SGSM1: variants seen among roughly 807,000 people sequenced by gnomAD.
SGSM1 encodes RUN and TBC1 domain containing 2.
SGSM1 carries 73 observed loss-of-function variants against 133.8 expected under a neutral mutation model. The observed-to-expected ratio is 0.55, with a 90% CI of 0.45 to 0.66. The LOEUF (loss-of-function observed/expected upper bound fraction) is 0.66. SGSM1 is among the 30% of genes least tolerant of loss of function. SGSM1 has a pLI of 0.00. For synonymous variants in SGSM1, 563 were observed against 573.0 expected (o/e 0.98, Z 0.25); for missense variants, 1,213 against 1,448.1 (o/e 0.84, Z 2.64).
intron 3 of SGSM1, among the ~76,000 whole-genome samples, chr22:24,846,141 C>T (rs1365224587): frequency 6.6e-6 from 1 of 150,402 alleles, no homozygotes; most frequent in African/African-American, 2.5e-5. Flanking sequence ...TGGGCTCAAG[C>T]GTACCTCCCA....
intron 2 of SGSM1, among the ~76,000 whole-genome samples, chr22:24,820,831 A>G (rs1928424751): frequency 6.6e-6 from 1 of 152,234 alleles, no homozygotes; most frequent in South Asian, 2.1e-4. Context: ...CCCTGCCTTC[A>G]GCCTAGAGGG....
chr22:24,903,458 C>T (rs1933239235), intron 20 of SGSM1, among the ~76,000 whole-genome samples: 4 of 152,114 alleles, frequency 2.6e-5, no homozygotes, highest in Admixed American at 2.0e-4. Flanking sequence ...ATCCACCTGC[C>T]TTGACCTCCC....
intron 24 of SGSM1, among the ~76,000 whole-genome samples, chr22:24,920,918 G>A (rs982184297): frequency 1.4e-4 from 22 of 152,074 alleles, no homozygotes; most frequent in African/African-American, 5.1e-4. Context: ...TCATTGGCAC[G>A]TTACCATCTA....
chr22:24,851,449 GGAGAGAGAGAGAGAGAGA>G (rs56956761), intron 5 of SGSM1, among the ~76,000 whole-genome samples: 56 of 112,868 alleles, frequency 5.0e-4, no homozygotes, highest in Non-Finnish European at 7.2e-4. Flanking sequence ...GGGGGTGGGG[GGAGAGAGAGAGAGAGAGA>G]GAGAGAGAGA....
chr22:24,840,612 G>A (rs1929734133), intron 2 of SGSM1, among the ~76,000 whole-genome samples: 1 of 151,996 alleles, frequency 6.6e-6, no homozygotes, highest in African/African-American at 2.4e-5. Context: ...CAAAGTGCTG[G>A]GATTACAGGT....
Position 24,898,399 on chromosome 22 carries a change from G to A in SGSM1, c.2450G>A (p.Trp817Ter). The change falls in exon 19 of 25, where the codon TGG (tryptophan) becomes TAG (stop). Residue 817 changes from tryptophan (W) to a stop codon, truncating the protein, a stop_gained. Coordinates refer to ENST00000400358, the MANE Select transcript of SGSM1 (RefSeq NM_001098497.3). LOFTEE classifies it high-confidence loss of function. ...PEKDDVVMEG[W>*]RSSETEKHGQ... ...AAGGACGATGTTGTGATGGAGGGCT[G>A]GAGGAGCAGCGAGACAGAGAAACAT... 1 of 1,613,932 alleles carries A rather than the reference G, an allele frequency of 6.2e-7. No individual in the cohort carries two copies.
At chr22:24,881,288 C>T (rs752384692) in intron 14 of SGSM1, among the ~76,000 whole-genome samples, 8 of 145,160 alleles carry the variant, frequency 5.5e-5, no homozygotes, top group East Asian at 2.1e-4. Flanking sequence ...AACTCTGGGC[C>T]GGGCGTGGTG....
chr22:24,905,290 C>A, intron 21 of SGSM1, 103 bp downstream of exon 21: 1 of 1,167,822 alleles, frequency 8.6e-7, no homozygotes, highest in Non-Finnish European at 1.3e-6. Flanking sequence ...GTGGCTCCAG[C>A]CAGGTGCTCT....
chr22:24,912,965 A>G (rs1933688030), intron 22 of SGSM1, among the ~76,000 whole-genome samples: 1 of 152,142 alleles, frequency 6.6e-6, no homozygotes, highest in Admixed American at 6.6e-5. Flanking sequence ...CCAATAAATT[A>G]TTAGAATTAT....
At chr22:24,911,096 T>A (rs1185673927) in intron 21 of SGSM1, among the ~76,000 whole-genome samples, 3 of 151,186 alleles carry the variant, frequency 2.0e-5, no homozygotes, top group African/African-American at 4.9e-5. Context: ...ATTAGCCAGG[T>A]GTGTTGGCAG....
At position 24,850,510 on chromosome 22, in the gene SGSM1, C is replaced by T. The variant is rs2147844661; in HGVS notation, c.455+78C>T. 2.6e-6 allele frequency: 4 copies of T among 1,553,650 alleles called. No individual in the cohort carries two copies. In the East Asian group the frequency reaches 6.8e-5, roughly 26 times the overall value. ...GTTGTGGAAATTGCACCCCCTGGCA[C>T]AAAGCTGCTTTCTTTTTCCCCTTGA... On this transcript the variant is annotated intron_variant, in intron 5 of 24. Transcript: ENST00000400358.
chr22:24,895,920 G>A (rs879838037), intron 18 of SGSM1, among the ~76,000 whole-genome samples: 6 of 151,994 alleles, frequency 3.9e-5, no homozygotes, highest in East Asian at 3.9e-4. Flanking sequence ...ATGGTGGTGC[G>A]TGCCTGTAGT....
chr22:24,865,835 G>A (rs1164064180), intron 9 of SGSM1, among the ~76,000 whole-genome samples: 1 of 152,160 alleles, frequency 6.6e-6, no homozygotes, highest in Non-Finnish European at 1.5e-5. Context: ...AGAACATTTG[G>A]CCAGGTCAGT....
At chr22:24,866,852 G>A (rs1341593303) in intron 9 of SGSM1, among the ~76,000 whole-genome samples, 1 of 152,200 alleles carries the variant, frequency 6.6e-6, no homozygotes, top group East Asian at 1.9e-4. Flanking sequence ...AGGGTGGAGA[G>A]TGGGTGGGGT....
At chr22:24,807,134 C>T (rs73879137) in intron 2 of SGSM1, among the ~76,000 whole-genome samples, 99 of 152,228 alleles carry the variant, frequency 6.5e-4, no homozygotes, top group African/African-American at 2.4e-3. Flanking sequence ...CTCCACTCTC[C>T]TTGGGGTCAG....
rs1929996312 is a variant in SGSM1 at position 24,844,734 on chromosome 22, C to T, written c.64-163C>T. 5 of 594,508 alleles carry T rather than the reference C, an allele frequency of 8.4e-6. No individual in the cohort carries two copies. The South Asian group carries it at 1.1e-4, about 13-fold the overall frequency. The allele number at this position is 594,508 out of a possible 1,614,324, so 36.8% of individuals were successfully genotyped here. ...CATGGAGCTGTGACAGGCCTCAGAC[C>T]TCCAAAAGACAAGGCGAGGAGGGGG... On this transcript the variant is annotated intron_variant, in intron 2 of 24. Coordinates refer to ENST00000400358, the MANE Select transcript of SGSM1 (RefSeq NM_001098497.3).
chr22:24,859,871 G>T, intron 9 of SGSM1, 31 bp downstream of exon 9: 1 of 1,611,892 alleles, frequency 6.2e-7, no homozygotes, highest in South Asian at 1.1e-5. Flanking sequence ...CGTATCCCTT[G>T]GGTCCCTCCA....
chr22:24,869,531 C>T (rs1274562246), intron 12 of SGSM1, among the ~76,000 whole-genome samples: 1 of 152,144 alleles, frequency 6.6e-6, no homozygotes, highest in African/African-American at 2.4e-5. Context: ...AAAATAAATG[C>T]AAATTAAAAT....
chr22:24,901,993 GAT>G, intron 20 of SGSM1, 36 bp downstream of exon 20: 1 of 409,800 alleles, frequency 2.4e-6, no homozygotes, highest in Non-Finnish European at 4.8e-6. Context: ...AGGGGATGGG[GAT>G]GGTGGGTGGG....
Sources: allele counts gnomAD v4.1 joint callset (sites outside exome capture counted in the v4.1 genomes callset), GRCh38; gene constraint gnomAD v4.1.1; transcripts MANE v1.5; gene names NCBI Gene and HGNC (gene_info 2026-07-23, HGNC 2026-07-21).